Variants in CRACDL observed in about 807,000 individuals in gnomAD.
CRACDL encodes CRACD like.
A neutral mutation model predicts 70.6 loss-of-function variants in CRACDL; 26 were observed. That is an observed-to-expected ratio of 0.37 (90% CI 0.27 to 0.51). The LOEUF (loss-of-function observed/expected upper bound fraction) is 0.51, where lower values mean the gene tolerates loss of function less well. CRACDL is among the 20% of genes least tolerant of loss of function. The probability of loss-of-function intolerance (pLI) is 0.94; values close to 1 mark genes in which losing one functional copy is unlikely to be tolerated. For synonymous variants in CRACDL, 618 were observed against 615.2 expected (o/e 1.00, Z -0.07); for missense variants, 1,283 against 1,376.9 (o/e 0.93, Z 1.08).
Position 98,823,506 on chromosome 2 carries a change from G to C in CRACDL, c.767C>G (p.Thr256Arg), listed in dbSNP as rs1195163975. Residue 256 changes from threonine to arginine, a missense_variant, in exon 7 of 10, where the codon ACG becomes AGG. Physicochemically the swap from Thr to Arg is moderately conservative, Grantham distance 71. Coordinates refer to ENST00000397899, the MANE Select transcript of CRACDL (RefSeq NM_207362.3). The surrounding 1 kb of genome is among the most constrained non-coding windows in gnomAD (Gnocchi z 4.0). ...GTTTTCCTCCTCCTCTGGGGTGCAC[G>C]TCAGGTCGCTCAGGGATTCAGACTG... Reference protein sequence around the residue: ...RAQSESLSDLTCTPEEEENEE... With the variant: ...RAQSESLSDLRCTPEEEENEE... 1 of 1,591,938 alleles carries C rather than the reference G, an allele frequency of 6.3e-7. No individual in the cohort carries two copies. Among genetic ancestry groups the C allele is most frequent in the Admixed American group, 1.7e-5 (1 of 59,208 alleles).
At chr2:98,924,668 G>C (rs370328987) in intron 1 of CRACDL, among the ~76,000 whole-genome samples, 6 of 152,070 alleles carry the variant, frequency 3.9e-5, no homozygotes, top group Admixed American at 6.5e-5. Flanking sequence ...CCCCTAAGGG[G>C]CCCCCCCAGG....
At chr2:98,857,028 T>C (rs1706727741) in intron 1 of CRACDL, among the ~76,000 whole-genome samples, 1 of 152,212 alleles carries the variant, frequency 6.6e-6, no homozygotes, top group South Asian at 2.1e-4. Context: ...GCTCCTCCAA[T>C]ATGATCCCAT....
chr2:98,808,193 C>G (rs1175119907), intron 7 of CRACDL, among the ~76,000 whole-genome samples: 1 of 152,208 alleles, frequency 6.6e-6, no homozygotes, highest in Non-Finnish European at 1.5e-5. Context: ...TTATTCCAGA[C>G]GTACTGGGTG....
At chr2:98,852,498 AC>A (rs1706521374) in intron 1 of CRACDL, among the ~76,000 whole-genome samples, 1 of 152,192 alleles carries the variant, frequency 6.6e-6, no homozygotes, top group Non-Finnish European at 1.5e-5. Flanking sequence ...GAGAAAAAAA[AC>A]ACCTAAGAAA....
At chr2:98,857,794 C>T (rs1000265062) in intron 1 of CRACDL, among the ~76,000 whole-genome samples, 1 of 152,098 alleles carries the variant, frequency 6.6e-6, no homozygotes, top group Admixed American at 6.5e-5. Context: ...GAGACTTGAA[C>T]AACCCTATAG....
At chr2:98,850,663 G>A (rs10204764) in intron 1 of CRACDL, among the ~76,000 whole-genome samples, 61 of 152,314 alleles carry the variant, frequency 4.0e-4, no homozygotes, top group African/African-American at 1.4e-3. Context: ...TGGACCGCCA[G>A]GGCCTCTTCA....
chr2:98,822,005 G>A lies in CRACDL; in HGVS notation c.2268C>T (p.Leu756=). The change falls in exon 7 of 10, where the codon CTC becomes CTT. Residue 756 remains leucine (L), a synonymous_variant. Transcript: ENST00000397899. This position sits in a 1 kb window ranked among gnomAD's most constrained non-coding sequence, Gnocchi z 4.9. ...TCCGGGGCAGGGGCGGCTTGGAGCT[G>A]AGCGGCTCGGGGGGCCGGGCCTTCC... The part of the protein sequence containing the change: ...GKGKARPPEP[L]SSKPPLPRKP... The A allele has an allele frequency of 6.5e-7, 1 of 1,538,012 alleles. No individual in the cohort carries two copies. The highest frequency in any genetic ancestry group is 8.8e-7 in the Non-Finnish European group (1 of 1,141,894).
At chr2:98,838,869 C>T (rs921184510) in intron 2 of CRACDL, among the ~76,000 whole-genome samples, 9 of 152,132 alleles carry the variant, frequency 5.9e-5, no homozygotes, top group African/African-American at 2.2e-4. Flanking sequence ...AGGCTGAGCC[C>T]AACTCTGCCA....
chr2:98,795,071 ATATATAT>A lies in CRACDL; in HGVS notation c.2750-407_2750-401del, dbSNP rs1305039899. ...TATATATATATATATATATATATAT[ATATATAT>A]TTTTTTTTTTTTTTGAGACAGAAGT... On this transcript the variant is annotated intron_variant, in intron 9 of 9. Transcript: ENST00000397899. Among the ~76,000 whole-genome samples the A allele has an allele frequency of 1.0e-3, 23 of 22,420 alleles. 3 individuals are homozygous for A. Among genetic ancestry groups the A allele is most frequent in the South Asian group, 2.5e-3 (1 of 400 alleles). 14.7% of individuals were successfully genotyped at this position (22,420 alleles called of 152,430 possible).
intron 1 of CRACDL, among the ~76,000 whole-genome samples, chr2:98,848,240 A>G (rs1349764830): frequency 1.3e-5 from 2 of 152,218 alleles, no homozygotes; most frequent in Non-Finnish European, 2.9e-5. Context: ...GCAGAATGAT[A>G]GTAGTTCTAG....
intron 1 of CRACDL, among the ~76,000 whole-genome samples, chr2:98,864,052 T>C (rs1412427820): frequency 6.6e-6 from 1 of 152,158 alleles, no homozygotes; most frequent in African/African-American, 2.4e-5. Flanking sequence ...ATGGTAAGTT[T>C]TATGTTATGT....
At chr2:98,904,195 G>A (rs1395752340) in intron 1 of CRACDL, among the ~76,000 whole-genome samples, 1 of 152,134 alleles carries the variant, frequency 6.6e-6, no homozygotes, top group Non-Finnish European at 1.5e-5. Flanking sequence ...CACTTTCCAC[G>A]CACCCTCCAC....
At chr2:98,826,345 T>A (rs1705301314) in intron 6 of CRACDL, among the ~76,000 whole-genome samples, 1 of 152,214 alleles carries the variant, frequency 6.6e-6, no homozygotes, top group South Asian at 2.1e-4. Context: ...ATTTGTTTGT[T>A]CAGTGGTTCA....
At chr2:98,890,330 C>A (rs955220146) in intron 1 of CRACDL, among the ~76,000 whole-genome samples, 1 of 152,024 alleles carries the variant, frequency 6.6e-6, no homozygotes, top group Non-Finnish European at 1.5e-5. Context: ...ACATCACTAC[C>A]AACATTACAG....
intron 1 of CRACDL, among the ~76,000 whole-genome samples, chr2:98,903,548 C>T (rs1708335204): frequency 6.6e-6 from 1 of 152,198 alleles, no homozygotes; most frequent in Non-Finnish European, 1.5e-5. Context: ...TTAAATAATT[C>T]CACCTTGCGG....
At chr2:98,874,369 G>T (rs1178597503) in intron 1 of CRACDL, among the ~76,000 whole-genome samples, 1 of 152,248 alleles carries the variant, frequency 6.6e-6, no homozygotes, top group Non-Finnish European at 1.5e-5. Flanking sequence ...GTTTCTCACA[G>T]TTCCTTCCAG....
intron 1 of CRACDL, among the ~76,000 whole-genome samples, chr2:98,934,536 T>A (rs1286488627): frequency 6.6e-6 from 1 of 152,062 alleles, no homozygotes; most frequent in Non-Finnish European, 1.5e-5. Context: ...AGCAGAGCAG[T>A]GATCTCAGCA....
At chr2:98,848,450 G>T (rs550363246) in intron 1 of CRACDL, among the ~76,000 whole-genome samples, 1 of 152,124 alleles carries the variant, frequency 6.6e-6, no homozygotes, top group Non-Finnish European at 1.5e-5. Flanking sequence ...GGGTGGCCTA[G>T]GAGTCACCAT....
chr2:98,893,158 G>T (rs1708022380), intron 1 of CRACDL, among the ~76,000 whole-genome samples: 1 of 152,180 alleles, frequency 6.6e-6, no homozygotes, highest in African/African-American at 2.4e-5. Context: ...CATTCTCCAA[G>T]GTAATCCTCT....
Sources: gnomAD v4.1 joint callset for allele counts (sites outside exome capture counted in the v4.1 genomes callset) on GRCh38, gnomAD v4.1.1 for gene constraint, Gnocchi (gnomAD v3.1) non-coding constraint, MANE v1.5 for transcripts, NCBI Gene and HGNC (gene_info 2026-07-23, HGNC 2026-07-21) for gene names.